NETO1: variants seen among roughly 807,000 people sequenced by gnomAD.
NETO1 encodes the protein neuropilin and tolloid like 1, also known as neuropilin and tolloid-like protein 1.
Under a neutral mutation model 61.3 loss-of-function variants are expected in NETO1, and 26 were observed. That is an observed-to-expected ratio of 0.42 (90% CI 0.31 to 0.59). The LOEUF is 0.59. Ranked by LOEUF, NETO1 falls within the 20% of genes least tolerant of loss-of-function variation. NETO1 has a pLI of 0.12. For synonymous variants in NETO1, 225 were observed against 225.8 expected, an observed-to-expected ratio of 1.00 and a Z score of 0.03; for missense variants, 531 against 662.8, an observed-to-expected ratio of 0.80 and a Z score of 2.18.
At chr18:72,782,980 A>G (rs1316692467) in intron 7 of NETO1, among the ~76,000 whole-genome samples, 4 of 152,140 alleles carry the variant, frequency 2.6e-5, no homozygotes, top group Non-Finnish European at 5.9e-5. Context: ...TGTTCATGTC[A>G]CAAGGTACTT....
chr18:72,809,084 C>T (rs1471530796), intron 4 of NETO1, among the ~76,000 whole-genome samples: 1 of 152,086 alleles, frequency 6.6e-6, no homozygotes, highest in African/African-American at 2.4e-5. Context: ...ATTCCTTTAC[C>T]AAGGGCAGAA....
intron 7 of NETO1, among the ~76,000 whole-genome samples, chr18:72,769,391 T>C (rs765570901): frequency 3.9e-5 from 6 of 152,190 alleles, no homozygotes; most frequent in Non-Finnish European, 5.9e-5. Flanking sequence ...TGTCAGTATA[T>C]GGCAATGTGA....
intron 4 of NETO1, among the ~76,000 whole-genome samples, chr18:72,841,841 C>T (rs1269634243): frequency 6.7e-6 from 1 of 149,726 alleles, no homozygotes; most frequent in Admixed American, 6.7e-5. Flanking sequence ...TTTCCTTTAT[C>T]TGCTGTGTTT....
intron 4 of NETO1, among the ~76,000 whole-genome samples, chr18:72,857,715 A>G (rs994539891): frequency 2.6e-5 from 4 of 152,194 alleles, no homozygotes; most frequent in Non-Finnish European, 5.9e-5. Context: ...ACTGTAGCAC[A>G]TGAAATACCC....
chr18:72,820,133 A>C (rs1202867803), intron 4 of NETO1, among the ~76,000 whole-genome samples: 1 of 152,254 alleles, frequency 6.6e-6, no homozygotes, highest in Non-Finnish European at 1.5e-5. Context: ...GGTACTCTAA[A>C]AAATTTTAAA....
intron 4 of NETO1, among the ~76,000 whole-genome samples, chr18:72,816,704 G>A (rs2073043543): frequency 6.6e-6 from 1 of 152,164 alleles, no homozygotes; most frequent in Non-Finnish European, 1.5e-5. Context: ...ACCCCACTGT[G>A]GGCCTATTTT....
intron 9 of NETO1, among the ~76,000 whole-genome samples, chr18:72,749,303 C>T (rs905315616): frequency 2.0e-5 from 3 of 152,168 alleles, no homozygotes; most frequent in Admixed American, 6.5e-5. Context: ...AAACTAAATG[C>T]TAGTAAACAT....
At chr18:72,815,498 G>A (rs192549169) in intron 4 of NETO1, among the ~76,000 whole-genome samples, 47 of 152,094 alleles carry the variant, frequency 3.1e-4, no homozygotes, top group African/African-American at 1.1e-3. Flanking sequence ...AAAAGTCCTG[G>A]TCAGGTATTT....
At position 72,867,803 on chromosome 18, in the gene NETO1, C is replaced by G; in HGVS notation, c.-512G>C. ...GCGGCGGCGGCGGCGCCGGCGGCGG[C>G]GGGGTGGCTCAGTCCCCAGTCTCAG... On this transcript the variant is annotated 5_prime_UTR_variant, in exon 1 of 11. Transcript: ENST00000327305. 6.4e-6 allele frequency: 1 copy of G among 155,834 alleles called. No homozygotes were observed. Among genetic ancestry groups the G allele is most frequent in the Non-Finnish European group, 1.4e-5 (1 of 73,646 alleles). The allele number at this position is 155,834 out of a possible 1,614,324, so 9.7% of individuals were successfully genotyped here.
chr18:72,832,694 C>T (rs767779886), intron 4 of NETO1, among the ~76,000 whole-genome samples: 1 of 152,184 alleles, frequency 6.6e-6, no homozygotes, highest in Non-Finnish European at 1.5e-5. Context: ...TTTATTCTGC[C>T]TGCTGCTCTC....
rs560163367 is a variant in NETO1 at position 72,863,295 on chromosome 18, A to G, written c.220+1513T>C. On this transcript the variant is annotated intron_variant, in intron 3 of 10. Transcript: ENST00000327305. ...TCTGAACTTCCGCATACGCTGCTCT[A>G]TGTAGAGAATAATGCCTTCCCTGGA... Among the ~76,000 whole-genome samples the G allele has an allele frequency of 1.3e-4, 20 of 152,274 alleles. No homozygotes were observed. In the South Asian group the frequency reaches 3.5e-3, roughly 27 times the overall value.
In NETO1 at chr18:72,867,650, G is replaced by A. The variant is rs1250424219; in HGVS notation, c.-359C>T. 2.5e-5 allele frequency: 4 copies of A among 159,974 alleles called. No homozygotes were observed. Among genetic ancestry groups the A allele is most frequent in the Non-Finnish European group, 5.4e-5 (4 of 73,508 alleles). The allele number at this position is 159,974 out of a possible 1,614,324, so 9.9% of individuals were successfully genotyped here. On this transcript the variant is annotated 5_prime_UTR_variant, in exon 1 of 11. Transcript: ENST00000327305. ...GGGCATCGTCGCCGCCGCGGGGTCG[G>A]GAGGACGCGGCGCGCGGGAGGCGGC...
chr18:72,794,123 C>T lies in NETO1; in HGVS notation c.633G>A (p.Arg211=). ...DCKWYIRAPP[R]SKIYLRFLDY... is the part of the protein sequence containing the mutation. The stretch of plus-strand genomic sequence containing the variant: ...GTTTCATCTTAAGACTGACCTTGGA[C>T]CGTGGAGGTGCTCGGATGTACCACT... Residue 211 remains arginine, a synonymous_variant, in exon 6 of 11, where the codon CGG becomes CGA. Coordinates refer to ENST00000327305, the MANE Select transcript of NETO1 (RefSeq NM_138966.5). 1 of 1,614,134 alleles carries T rather than the reference C, an allele frequency of 6.2e-7. No homozygotes were observed. The highest frequency in any genetic ancestry group is 1.3e-5 in the African/African-American group (1 of 75,018).
intron 1 of NETO1, among the ~76,000 whole-genome samples, chr18:72,866,090 A>G (rs1256354121): frequency 2.6e-5 from 4 of 152,164 alleles, no homozygotes; most frequent in African/African-American, 4.8e-5. Flanking sequence ...TTACAAGACA[A>G]AACACTAGCA....
At chr18:72,781,511 A>G (rs904008229) in intron 7 of NETO1, among the ~76,000 whole-genome samples, 1 of 152,224 alleles carries the variant, frequency 6.6e-6, no homozygotes, top group African/African-American at 2.4e-5. Context: ...ACATAACAGC[A>G]TACTGTTTTA....
rs1186039576 is a variant in NETO1, at chr18:72,867,830, C to G, written c.-539G>C. ...GGGTGGCTCAGTCCCCAGTCTCAGA[C>G]GCGCCGCGCAGCAGGTCGGAGCAGC... On this transcript the variant is annotated 5_prime_UTR_variant, in exon 1 of 11. Coordinates refer to ENST00000327305, the MANE Select transcript of NETO1 (RefSeq NM_138966.5). 6.6e-6 allele frequency: 1 copy of G among 151,346 alleles called. No homozygotes were observed. The highest frequency in any genetic ancestry group is 2.5e-5 in the African/African-American group (1 of 39,430). 9.4% of individuals were successfully genotyped at this position (151,346 alleles called of 1,614,324 possible). A position where few individuals can be genotyped will look rare whatever the true frequency, so the allele number is the denominator to read the frequency against.
intron 7 of NETO1, among the ~76,000 whole-genome samples, chr18:72,756,485 G>C (rs2070787318): frequency 6.6e-6 from 1 of 152,026 alleles, no homozygotes; most frequent in South Asian, 2.1e-4. Context: ...ACTTTATACA[G>C]AAAGAATGTA....
chr18:72,857,773 C>A (rs1011149376), intron 4 of NETO1, among the ~76,000 whole-genome samples: 1 of 152,116 alleles, frequency 6.6e-6, no homozygotes, highest in African/African-American at 2.4e-5. Flanking sequence ...ATTAAAACCA[C>A]AATCCTTTAG....
At chr18:72,867,049 C>T (rs1051346193) in intron 1 of NETO1, 3 of 466,836 alleles carry the variant, frequency 6.4e-6, no homozygotes, top group Admixed American at 8.6e-5. Context: ...CGTTCTCCGG[C>T]AGGTTTTGGG....
Sources: gnomAD v4.1 joint callset for allele counts (sites outside exome capture counted in the v4.1 genomes callset) on GRCh38, gnomAD v4.1.1 for gene constraint, MANE v1.5 for transcripts, NCBI Gene and HGNC (gene_info 2026-07-23, HGNC 2026-07-21) for gene names.